FBXO4: variants seen among roughly 807,000 people sequenced by gnomAD.
FBXO4 encodes F-box protein 4.
In FBXO4, 36 loss-of-function variants were observed where a neutral mutation model predicts 43.7. That is an observed-to-expected ratio of 0.82 (90% CI 0.63 to 1.09). The LOEUF is 1.09. Among genes scored for constraint, FBXO4 ranks in the 50% least tolerant of loss-of-function variants. The probability of loss-of-function intolerance (pLI) is 0.00; values close to 1 mark genes in which losing one functional copy is unlikely to be tolerated. For missense variants in FBXO4, 435 were observed against 474.1 expected, an observed-to-expected ratio of 0.92 and a Z score of 0.77; for synonymous variants, 180 against 165.6, an observed-to-expected ratio of 1.09 and a Z score of -0.67.
the FBXO4 span, chr5:41,951,583 A>T: frequency 4.2e-6 from 1 of 237,460 alleles, no homozygotes; most frequent in Non-Finnish European, 8.1e-6. Flanking sequence ...TCTTTTCAGG[A>T]TGTTTGTAGA....
chr5:41,952,296 A>G, the FBXO4 span: 1 of 152,188 alleles, frequency 6.6e-6, no homozygotes, highest in Non-Finnish European at 1.5e-5. Context: ...AAAATTTAGT[A>G]TATTTAATAA....
the FBXO4 span, chr5:41,952,274 G>A: frequency 6.6e-6 from 1 of 152,124 alleles, no homozygotes; most frequent in Non-Finnish European, 1.5e-5. Context: ...GCTGTGGGAA[G>A]GTTTTAAACT....
At chr5:41,993,083 G>A in the FBXO4 span, among the ~76,000 whole-genome samples, 1 of 152,130 alleles carries the variant, frequency 6.6e-6, no homozygotes, top group East Asian at 1.9e-4. Context: ...GTATTACTTA[G>A]TAGCATTAGT....
At chr5:41,967,729 A>T in the FBXO4 span, 8 of 622,310 alleles carry the variant, frequency 1.3e-5, no homozygotes, top group Non-Finnish European at 2.5e-5. Context: ...AAAGCCATCA[A>T]CATCCTTATC....
At chr5:41,954,805 GTTAA>G in the FBXO4 span, among the ~76,000 whole-genome samples, 54 of 152,140 alleles carry the variant, frequency 3.5e-4, no homozygotes, top group Non-Finnish European at 6.6e-4. Flanking sequence ...AATTACAGTT[GTTAA>G]TTAAGTTGTT....
At chr5:41,929,148 G>A (rs1404505608) in intron 2 of FBXO4, among the ~76,000 whole-genome samples, 3 of 152,184 alleles carry the variant, frequency 2.0e-5, no homozygotes, top group Non-Finnish European at 4.4e-5. Context: ...AACTATCTGT[G>A]TGTAGCTTAT....
At chr5:41,987,946 A>C in the FBXO4 span, among the ~76,000 whole-genome samples, 6 of 152,152 alleles carry the variant, frequency 3.9e-5, no homozygotes, top group African/African-American at 1.4e-4. Context: ...TCCTGGTTTG[A>C]TAATGCCAAT....
chr5:42,010,678 T>G, the FBXO4 span, among the ~76,000 whole-genome samples: 11 of 152,262 alleles, frequency 7.2e-5, no homozygotes, highest in East Asian at 9.6e-4. Context: ...AAATATTTGT[T>G]TGAGTTCTTT....
At chr5:41,939,128 C>T (rs2112586665) in intron 5 of FBXO4, among the ~76,000 whole-genome samples, 1 of 152,314 alleles carries the variant, frequency 6.6e-6, no homozygotes, top group African/African-American at 2.4e-5. Flanking sequence ...ATGGTCCAAA[C>T]ACTCCAATAG....
At chr5:41,932,470 A>T (rs958903880) in intron 3 of FBXO4, among the ~76,000 whole-genome samples, 1 of 152,210 alleles carries the variant, frequency 6.6e-6, no homozygotes, top group Non-Finnish European at 1.5e-5. Context: ...GAATGATGAC[A>T]TGAGATGGTA....
chr5:42,035,629 C>G, the FBXO4 span, among the ~76,000 whole-genome samples: 1 of 152,036 alleles, frequency 6.6e-6, no homozygotes, highest in Non-Finnish European at 1.5e-5. Flanking sequence ...GCCAGATACT[C>G]AAGTTTGAAG....
the FBXO4 span, among the ~76,000 whole-genome samples, chr5:41,959,311 G>A: frequency 6.6e-6 from 1 of 151,970 alleles, no homozygotes; most frequent in Non-Finnish European, 1.5e-5. Flanking sequence ...GAGATCTATG[G>A]TGTTCAGATA....
the FBXO4 span, among the ~76,000 whole-genome samples, chr5:42,008,118 A>T: frequency 4.6e-5 from 7 of 152,174 alleles, no homozygotes; most frequent in African/African-American, 1.7e-4. Context: ...ATCCAGAGAA[A>T]GTTGAGTCTA....
chr5:41,990,554 C>G, the FBXO4 span, among the ~76,000 whole-genome samples: 2 of 152,086 alleles, frequency 1.3e-5, no homozygotes, highest in Non-Finnish European at 2.9e-5. Flanking sequence ...TAGGAGTTAA[C>G]CAGGGAACTT....
chr5:41,971,133 A>G, the FBXO4 span, among the ~76,000 whole-genome samples: 1 of 151,970 alleles, frequency 6.6e-6, no homozygotes, highest in South Asian at 2.1e-4. Flanking sequence ...AGAGAAAGTT[A>G]CTAAAAAAAC....
In FBXO4 at chr5:41,927,053, A is replaced by T. The variant is rs536208114; in HGVS notation, c.230A>T (p.His77Leu). Reference sequence around the variant, plus strand: ...TATATTTTGTCCTTTCTTTCACCTCATGATCTGTGTCAGTTGGGAAGTACA... The same window carrying T: ...TATATTTTGTCCTTTCTTTCACCTCTTGATCTGTGTCAGTTGGGAAGTACA... ...QLYILSFLSP[H>L]DLCQLGSTNH... The change falls in exon 2 of 7, where the codon CAT becomes CTT. Residue 77 changes from histidine to leucine, a missense_variant. Physicochemically the swap from His to Leu is moderately conservative, Grantham distance 99 (BLOSUM62 -3). Transcript: ENST00000281623. 6.2e-7 allele frequency: 1 copy of T among 1,613,414 alleles called. No homozygotes were observed. The highest frequency in any genetic ancestry group is 8.5e-7 in the Non-Finnish European group (1 of 1,179,762).
At chr5:41,948,724 G>T in the FBXO4 span, among the ~76,000 whole-genome samples, 2 of 152,058 alleles carry the variant, frequency 1.3e-5, no homozygotes, top group African/African-American at 4.8e-5. Context: ...TTAGCATTCT[G>T]TATTTTCTAA....
At chr5:41,989,056 A>C in the FBXO4 span, among the ~76,000 whole-genome samples, 3 of 152,158 alleles carry the variant, frequency 2.0e-5, no homozygotes, top group African/African-American at 7.2e-5. Flanking sequence ...CATTTGGGGC[A>C]CGGTTTCTGA....
the FBXO4 span, among the ~76,000 whole-genome samples, chr5:41,994,959 C>A: frequency 1.3e-5 from 2 of 152,158 alleles, no homozygotes; most frequent in African/African-American, 2.4e-5. Flanking sequence ...GGAAGAAACA[C>A]TACCATATAC....
Sources: gnomAD v4.1 joint callset for allele counts (sites outside exome capture counted in the v4.1 genomes callset) on GRCh38, gnomAD v4.1.1 for gene constraint, MANE v1.5 for transcripts, NCBI Gene and HGNC (gene_info 2026-07-23, HGNC 2026-07-21) for gene names.